Variants in PSD2 observed in about 807,000 individuals in gnomAD.
PSD2 encodes the protein pleckstrin and Sec7 domain containing 2.
Under a neutral mutation model 69.8 loss-of-function variants are expected in PSD2, and 38 were observed. The ratio of observed to expected loss-of-function variants is 0.54; its 90% CI spans 0.42 to 0.71. PSD2 has a LOEUF of 0.71. Ranked by LOEUF, PSD2 falls within the 30% of genes least tolerant of loss-of-function variation. The pLI is 0.00. For synonymous variants in PSD2, 412 were observed against 423.0 expected (o/e 0.97, Z 0.32); for missense variants, 943 against 1,014.5 (o/e 0.93, Z 0.96).
chr5:139,745,710 AACCC>A, the PSD2 span, among the ~76,000 whole-genome samples: 1 of 152,180 alleles, frequency 6.6e-6, no homozygotes, highest in African/African-American at 2.4e-5. Context: ...CTTCAGAGCA[AACCC>A]ACTTCTTGAG....
intron 1 of PSD2, among the ~76,000 whole-genome samples, chr5:139,802,279 G>A (rs950903757): frequency 6.6e-6 from 1 of 152,052 alleles, no homozygotes; most frequent in African/African-American, 2.4e-5. Context: ...GGTTTGGGGT[G>A]TGTGAAAACT....
chr5:139,752,826 C>A, the PSD2 span, among the ~76,000 whole-genome samples: 8 of 152,222 alleles, frequency 5.3e-5, no homozygotes, highest in African/African-American at 1.2e-4. Flanking sequence ...GTGTGCACAA[C>A]CTTTCACAGG....
At chr5:139,804,502 G>A (rs1759748944) in intron 1 of PSD2, among the ~76,000 whole-genome samples, 4 of 152,158 alleles carry the variant, frequency 2.6e-5, no homozygotes, top group Admixed American at 2.0e-4. Context: ...GCACAAAGAG[G>A]TCCAGGACTT....
chr5:139,747,906 A>G, the PSD2 span, among the ~76,000 whole-genome samples: 565 of 152,368 alleles, frequency 3.7e-3, 7 homozygotes, highest in Admixed American at 7.8e-3. This position sits in a 1 kb window ranked among gnomAD's most constrained non-coding sequence, Gnocchi z 6.7. Context: ...CCCGCGAGCG[A>G]GCCGACCCTG....
rs1651039764 is a variant in PSD2 at position 139,822,712 on chromosome 5, C to T, written c.1211-14C>T. 2 of 1,606,476 alleles carry T rather than the reference C, an allele frequency of 1.2e-6. No individual in the cohort carries two copies. The highest frequency in any genetic ancestry group is 8.5e-7 in the Non-Finnish European group (1 of 1,176,042). On this transcript the variant is annotated splice_polypyrimidine_tract_variant and intron_variant, in intron 6 of 14. Coordinates refer to ENST00000274710, the MANE Select transcript of PSD2 (RefSeq NM_032289.4). ...TGGATCCTCGCACTGAGAGTGCCAC[C>T]ATCTCTGACTCAGATGGGATCCACA...
At chr5:139,765,371 C>T in the PSD2 span, among the ~76,000 whole-genome samples, 1 of 151,962 alleles carries the variant, frequency 6.6e-6, no homozygotes, top group African/African-American at 2.4e-5. Context: ...CAGGGACCAC[C>T]CACTGCCCCC....
At chr5:139,813,215 C>T (rs901173206) in intron 2 of PSD2, 94 bp from the exon 3 acceptor site, 23 of 1,064,770 alleles carry the variant, frequency 2.2e-5, no homozygotes, top group Non-Finnish European at 2.8e-5. Context: ...GTGGTGTGCC[C>T]CCAGGGGGCT....
In PSD2 at chr5:139,812,509, C is replaced by G. The variant is rs1026416814; in HGVS notation, c.372-800C>G. Among the ~76,000 whole-genome samples, 3 of 152,122 alleles carry G rather than the reference C, an allele frequency of 2.0e-5. No homozygotes were observed. In the South Asian group the frequency reaches 6.2e-4, roughly 31 times the overall value. On this transcript the variant is annotated intron_variant, in intron 2 of 14. Coordinates refer to ENST00000274710, the MANE Select transcript of PSD2 (RefSeq NM_032289.4). The stretch of plus-strand genomic sequence containing the variant: ...AGATGTTCCAAGCACCTACTATGTG[C>G]GGGGTGCTCCCTGGCTTTGCAAAGC...
chr5:139,752,429 G>C, the PSD2 span, among the ~76,000 whole-genome samples: 7 of 152,118 alleles, frequency 4.6e-5, no homozygotes, highest in Admixed American at 3.9e-4. Flanking sequence ...CAAAGCGATG[G>C]AGAGACACAA....
chr5:139,779,238 G>A, the PSD2 span, among the ~76,000 whole-genome samples: 3 of 152,288 alleles, frequency 2.0e-5, no homozygotes, highest in South Asian at 2.1e-4. Flanking sequence ...CACCTAAGCA[G>A]TATACACTGC....
the PSD2 span, among the ~76,000 whole-genome samples, chr5:139,771,944 C>T: frequency 2.0e-5 from 3 of 152,154 alleles, no homozygotes; most frequent in Admixed American, 1.3e-4. Flanking sequence ...AACGGTGTTG[C>T]GGGACTGGAG....
chr5:139,819,639 C>A (rs1364585285), intron 5 of PSD2, among the ~76,000 whole-genome samples: 1 of 152,184 alleles, frequency 6.6e-6, no homozygotes, highest in Non-Finnish European at 1.5e-5. Context: ...TACCTTCCCG[C>A]AGTTCTCTCC....
the PSD2 span, among the ~76,000 whole-genome samples, chr5:139,771,309 C>T: frequency 6.6e-6 from 1 of 152,230 alleles, no homozygotes; most frequent in South Asian, 2.1e-4. Flanking sequence ...GTGGAGCCGC[C>T]GTGGTGGGTA....
At position 139,843,945 on chromosome 5, in the gene PSD2, A is replaced by G. The variant is rs1178467862; in HGVS notation, c.*1471A>G. On this transcript the variant is annotated 3_prime_UTR_variant, in exon 15 of 15. Coordinates refer to ENST00000274710, the MANE Select transcript of PSD2 (RefSeq NM_032289.4). ...AAATAAGCCAGGCTTGCAACTAAGTATCTAACTTTACAGGCCCACTCACAT... is the reference window on the plus strand; with the variant it reads ...AAATAAGCCAGGCTTGCAACTAAGTGTCTAACTTTACAGGCCCACTCACAT... 1 of 152,242 alleles carries G rather than the reference A, an allele frequency of 6.6e-6. No individual in the cohort carries two copies. The highest frequency in any genetic ancestry group is 2.4e-5 in the African/African-American group (1 of 41,460). 9.4% of individuals were successfully genotyped at this position (152,242 alleles called of 1,614,324 possible).
At chr5:139,756,792 G>A in the PSD2 span, among the ~76,000 whole-genome samples, 2 of 152,204 alleles carry the variant, frequency 1.3e-5, no homozygotes, top group Non-Finnish European at 2.9e-5. Flanking sequence ...GTCTGCTAGA[G>A]GCTATGCCCT....
At chr5:139,838,056 G>C (rs1760780049) in intron 12 of PSD2, among the ~76,000 whole-genome samples, 1 of 152,230 alleles carries the variant, frequency 6.6e-6, no homozygotes, top group South Asian at 2.1e-4. Flanking sequence ...GGGCTGCTGA[G>C]TGCGCTGGAG....
At chr5:139,754,055 C>T in the PSD2 span, among the ~76,000 whole-genome samples, 4 of 152,160 alleles carry the variant, frequency 2.6e-5, no homozygotes, top group Admixed American at 6.5e-5. Context: ...AGTCTAGTCT[C>T]GAACTCCTGA....
chr5:139,830,976 A>T (rs1315971937), intron 7 of PSD2, among the ~76,000 whole-genome samples: 1 of 151,954 alleles, frequency 6.6e-6, no homozygotes, highest in Non-Finnish European at 1.5e-5. Flanking sequence ...TTGGCATAGA[A>T]TTCTTGCCAA....
chr5:139,806,965 C>A (rs1025187567), intron 1 of PSD2, among the ~76,000 whole-genome samples: 1 of 152,208 alleles, frequency 6.6e-6, no homozygotes, highest in African/African-American at 2.4e-5. Context: ...CCGCTCCCAG[C>A]TAAAGGAGGA....
Sources: allele counts gnomAD v4.1 joint callset (sites outside exome capture counted in the v4.1 genomes callset), GRCh38; gene constraint gnomAD v4.1.1; non-coding constraint Gnocchi (gnomAD v3.1); transcripts MANE v1.5; gene names NCBI Gene and HGNC (gene_info 2026-07-23, HGNC 2026-07-21).